Variants in RAB18 observed in about 807,000 individuals in gnomAD.
RAB18 encodes ras-related protein Rab-18.
In RAB18, 10 loss-of-function variants were observed where a neutral mutation model predicts 28.5. The ratio of observed to expected loss-of-function variants is 0.35; its 90% CI spans 0.22 to 0.60. The LOEUF (loss-of-function observed/expected upper bound fraction) is 0.60. Ranked by LOEUF, RAB18 falls within the 20% of genes least tolerant of loss-of-function variation. The pLI is 0.78. For synonymous variants in RAB18, 93 were observed against 86.9 expected, an observed-to-expected ratio of 1.07 and a Z score of -0.39; for missense variants, 188 against 244.2, an observed-to-expected ratio of 0.77 and a Z score of 1.53.
rs762633809 is a variant in RAB18, at chr10:27,533,816, A to G, written c.341A>G (p.Asp114Gly). 1 of 1,613,718 alleles carries G rather than the reference A, an allele frequency of 6.2e-7. No individual in the cohort carries two copies. The highest frequency in any genetic ancestry group is 1.1e-5 in the South Asian group (1 of 91,074). ...TTGGAAACATACTGTACAAGAAATG[A>G]CATAGTAAACATGCTAGTTGGAAAT... ...NELETYCTRN[D>G]IVNMLVGNKI... The change falls in exon 5 of 7, where the codon GAC (aspartate) becomes GGC (glycine). Residue 114 changes from aspartate (D) to glycine (G), a missense_variant. By Grantham distance (94) the Asp-to-Gly change is moderately conservative. Coordinates refer to ENST00000356940, the MANE Select transcript of RAB18 (RefSeq NM_021252.5).
intron 1 of RAB18, among the ~76,000 whole-genome samples, chr10:27,506,374 T>A (rs1457560481): frequency 6.6e-6 from 1 of 152,120 alleles, no homozygotes; most frequent in Non-Finnish European, 1.5e-5. Context: ...CAGACTGGAG[T>A]GCAGTGGCAT....
intron 2 of RAB18, among the ~76,000 whole-genome samples, chr10:27,511,140 C>T (rs1310644128): frequency 6.6e-6 from 1 of 152,132 alleles, no homozygotes; most frequent in Non-Finnish European, 1.5e-5. Flanking sequence ...ATAATTGTTT[C>T]GGGTCCAGGA....
At chr10:27,505,000 C>A (rs775962734) in intron 1 of RAB18, 1 of 533,594 alleles carries the variant, frequency 1.9e-6, no homozygotes, top group Non-Finnish European at 3.8e-6. Flanking sequence ...AGAACTGGAT[C>A]TTGTGACTGC....
intron 2 of RAB18, among the ~76,000 whole-genome samples, chr10:27,519,608 T>G (rs1459266411): frequency 6.6e-6 from 1 of 152,118 alleles, no homozygotes; most frequent in Non-Finnish European, 1.5e-5. Flanking sequence ...CAGGGCTAAA[T>G]TTACCGAAAT....
At chr10:27,517,770 T>TA (rs1184620710) in intron 2 of RAB18, among the ~76,000 whole-genome samples, 1 of 152,204 alleles carries the variant, frequency 6.6e-6, no homozygotes, top group Non-Finnish European at 1.5e-5. Context: ...TTTATGGTCA[T>TA]ATAATTGCCA....
At chr10:27,520,225 G>A (rs554758810) in intron 2 of RAB18, among the ~76,000 whole-genome samples, 19 of 151,926 alleles carry the variant, frequency 1.3e-4, no homozygotes, top group African/African-American at 4.6e-4. Context: ...TTGTGTATTT[G>A]TTAGAATTTG....
intron 2 of RAB18, among the ~76,000 whole-genome samples, chr10:27,511,761 C>T (rs1057497988): frequency 6.6e-6 from 1 of 152,286 alleles, no homozygotes; most frequent in Admixed American, 6.5e-5. Flanking sequence ...TACATTGAGA[C>T]TGTATAGGTA....
chr10:27,533,864 A>G lies in RAB18; in HGVS notation c.378+11A>G. The G allele has an allele frequency of 6.2e-7, 1 of 1,611,254 alleles. No homozygotes were observed. The highest frequency in any genetic ancestry group is 1.3e-5 in the African/African-American group (1 of 74,994). On this transcript the variant is annotated intron_variant, in intron 5 of 6. Transcript: ENST00000356940. ...AATAAAATCGATAAGGTAAGAAGGC[A>G]GACACTTGGCATTTTGGTTCTATAT...
intron 2 of RAB18, among the ~76,000 whole-genome samples, chr10:27,520,916 C>CA (rs58688075): frequency 0.58 from 23,254 of 39,834 alleles, 8,052 homozygotes; most frequent in Non-Finnish European, 0.71. Context: ...GACTCCATCT[C>CA]AAAAAAAAAA....
chr10:27,535,629 A>C (rs558796662), intron 6 of RAB18, among the ~76,000 whole-genome samples: 1 of 152,262 alleles, frequency 6.6e-6, no homozygotes, highest in South Asian at 2.1e-4. Context: ...GACTAGGGGA[A>C]ACAGAAGCAA....
chr10:27,535,371 A>G lies in RAB18; in HGVS notation c.445+1377A>G, dbSNP rs1029353997. Among the ~76,000 whole-genome samples the G allele has an allele frequency of 2.0e-5, 3 of 152,110 alleles. No homozygotes were observed. The East Asian group carries it at 5.8e-4, about 29-fold the overall frequency. ...GGAAACCAAAACACTGGACACCCCT[A>G]GTCTAGAGGGAGATCATCTCAGGCT... On this transcript the variant is annotated intron_variant, in intron 6 of 6. Coordinates refer to ENST00000356940, the MANE Select transcript of RAB18 (RefSeq NM_021252.5).
Position 27,540,852 on chromosome 10 carries a change from G to C in RAB18, c.*2801G>C, listed in dbSNP as rs983214873. 1.5e-5 allele frequency: 7 copies of C among 453,918 alleles called. No homozygotes were observed. In the Admixed American group the frequency reaches 1.6e-4, roughly 11 times the overall value. The allele number at this position is 453,918 out of a possible 1,614,324, so 28.1% of individuals were successfully genotyped here. A position where few individuals can be genotyped will look rare whatever the true frequency, so the allele number is the denominator to read the frequency against. On this transcript the variant is annotated 3_prime_UTR_variant, in exon 7 of 7. Transcript: ENST00000356940. ...ATTTTGATTCATCGTAGCTTGCATG[G>C]TCAAGAGACATGATTCTCTACTAAG... is the stretch of plus-strand genomic sequence containing the variant.
intron 2 of RAB18, among the ~76,000 whole-genome samples, chr10:27,522,629 C>G (rs1834583857): frequency 6.6e-6 from 1 of 152,076 alleles, no homozygotes; most frequent in African/African-American, 2.4e-5. Flanking sequence ...TTACTGCCTT[C>G]TTATCTGTTT....
rs145704440 is a variant in RAB18 at position 27,517,287 on chromosome 10, C to T, written c.124+7357C>T. On this transcript the variant is annotated intron_variant, in intron 2 of 6. Coordinates refer to ENST00000356940, the MANE Select transcript of RAB18 (RefSeq NM_021252.5). Reference sequence around the variant, plus strand: ...CTGAGGCAGGAGAATCACTTGAATCCGGGAGGCAGAGGTTGCAGTGAGCCG... The same window carrying T: ...CTGAGGCAGGAGAATCACTTGAATCTGGGAGGCAGAGGTTGCAGTGAGCCG... Among the ~76,000 whole-genome samples the T allele has an allele frequency of 0.023, 3,534 of 152,060 alleles. 313 individuals carry two copies. The East Asian group carries it at 0.3, about 13-fold the overall frequency.
chr10:27,534,677 C>T (rs1461051668), intron 6 of RAB18, among the ~76,000 whole-genome samples: 4 of 152,162 alleles, frequency 2.6e-5, no homozygotes, highest in African/African-American at 4.8e-5. Context: ...TCACCTGGGC[C>T]CTGTGCCTTA....
chr10:27,531,070 G>A (rs1834777779), intron 3 of RAB18, among the ~76,000 whole-genome samples: 3 of 152,000 alleles, frequency 2.0e-5, no homozygotes, highest in African/African-American at 7.2e-5. Context: ...AAACTTAGAG[G>A]CAGAGAGAAT....
chr10:27,518,037 C>T (rs1589569384), intron 2 of RAB18, among the ~76,000 whole-genome samples: 1 of 151,902 alleles, frequency 6.6e-6, no homozygotes, highest in South Asian at 2.1e-4. Context: ...TGCCTTTGAG[C>T]TTCATCCAAG....
intron 6 of RAB18, among the ~76,000 whole-genome samples, chr10:27,535,927 CAA>C (rs368896781): frequency 6.6e-6 from 1 of 151,962 alleles, no homozygotes; most frequent in African/African-American, 2.4e-5. Context: ...ACTAAAAATA[CAA>C]AAAATTCACC....
At chr10:27,521,869 A>C (rs1433049626) in intron 2 of RAB18, among the ~76,000 whole-genome samples, 1 of 151,902 alleles carries the variant, frequency 6.6e-6, no homozygotes, top group African/African-American at 2.4e-5. Flanking sequence ...AGGATAAAGT[A>C]TATGGGAGGA....
Sources: gnomAD v4.1 joint callset for allele counts (sites outside exome capture counted in the v4.1 genomes callset) on GRCh38, gnomAD v4.1.1 for gene constraint, MANE v1.5 for transcripts, NCBI Gene and HGNC (gene_info 2026-07-23, HGNC 2026-07-21) for gene names.